The following CACNA1C variants were observed in gnomAD, a reference collection of about 807,000 sequenced individuals.
The protein encoded by CACNA1C is voltage-dependent L-type calcium channel subunit alpha-1C.
In CACNA1C, 30 loss-of-function variants were observed where a neutral mutation model predicts 229.0. The observed-to-expected ratio is 0.13, with a 90% CI of 0.10 to 0.18. The LOEUF is 0.18. CACNA1C is among the 10% of genes least tolerant of loss of function. The pLI, the probability that CACNA1C is intolerant of heterozygous loss-of-function variation, is 1.00. For synonymous variants in CACNA1C, 1,114 were observed against 1,132.5 expected, an observed-to-expected ratio of 0.98 and a Z score of 0.33; for missense variants, 1,658 against 2,845.0, an observed-to-expected ratio of 0.58 and a Z score of 9.49.
intron 2 of CACNA1C, among the ~76,000 whole-genome samples, chr12:2,119,200 G>A (rs1287603220): frequency 1.3e-5 from 2 of 152,170 alleles, no homozygotes; most frequent in Non-Finnish European, 2.9e-5. Flanking sequence ...CATCTCTAAG[G>A]TCTCTTTCTG....
chr12:2,281,898 C>T (rs2154435888), intron 3 of CACNA1C, among the ~76,000 whole-genome samples: 1 of 152,116 alleles, frequency 6.6e-6, no homozygotes, highest in Middle Eastern at 3.4e-3. Context: ...CCTGTGAGAA[C>T]TCTAATTACA....
intron 1 of CACNA1C, among the ~76,000 whole-genome samples, chr12:1,973,710 TATAAC>T (rs1364012228): frequency 6.6e-6 from 1 of 152,194 alleles, no homozygotes; most frequent in Admixed American, 6.5e-5. Context: ...ATCTAAGAGA[TATAAC>T]AGAGTAAATA....
chr12:2,669,174 C>T (rs1340956237), intron 38 of CACNA1C, 139 bp downstream of exon 38: 2 of 679,918 alleles, frequency 2.9e-6, no homozygotes, highest in Non-Finnish European at 5.3e-6. Flanking sequence ...GGGTAACGTG[C>T]GCTCCAGGAC....
At chr12:2,381,600 G>T (rs1490113632) in intron 3 of CACNA1C, among the ~76,000 whole-genome samples, 2 of 152,164 alleles carry the variant, frequency 1.3e-5, no homozygotes, top group Non-Finnish European at 2.9e-5. Flanking sequence ...TCGATGTAAG[G>T]CCCTCCACCC....
intron 1 of CACNA1C, among the ~76,000 whole-genome samples, chr12:2,011,634 GA>G (rs1280210065): frequency 6.6e-6 from 1 of 152,162 alleles, no homozygotes; most frequent in Non-Finnish European, 1.5e-5. Context: ...CAAACATGTA[GA>G]AAAGCCCAGA....
intron 3 of CACNA1C, among the ~76,000 whole-genome samples, chr12:2,305,556 T>G (rs1199193900): frequency 6.6e-6 from 1 of 152,104 alleles, no homozygotes; most frequent in Admixed American, 6.6e-5. Flanking sequence ...AAAAAACAGG[T>G]TGCTCAAGGC....
intron 24 of CACNA1C, 62 bp from the exon 25 acceptor site, chr12:2,606,549 T>G: frequency 7.3e-7 from 1 of 1,366,006 alleles, no homozygotes; most frequent in Non-Finnish European, 1.0e-6. Context: ...TGCTCACTAA[T>G]TGCTTTTGGA....
At position 2,606,839 on chromosome 12, in the gene CACNA1C, C is replaced by T; in HGVS notation, c.3210-145C>T. ...GTAGCATTTTTTGTTCCTGAAGTTT[C>T]TGCCCACTGAAGCTCCTCCCATGGC... On this transcript the variant is annotated intron_variant, in intron 25 of 46. Transcript: ENST00000399655. The T allele has an allele frequency of 4.8e-6, 5 of 1,042,884 alleles. No individual in the cohort carries two copies. In the South Asian group the frequency reaches 7.9e-5, roughly 16 times the overall value. The allele number at this position is 1,042,884 out of a possible 1,614,324, so 64.6% of individuals were successfully genotyped here.
In CACNA1C at chr12:2,512,030, G is replaced by T. The variant is rs575219545; in HGVS notation, c.1218-782G>T. On this transcript the variant is annotated intron_variant, in intron 8 of 46. Transcript: ENST00000399655. The surrounding 1 kb of genome is among the most constrained non-coding windows in gnomAD (Gnocchi z 4.3). ...GTTTGGAATCTTCATTTGTCTTCAT[G>T]TGGGAGAGAACCTTCTCTAGATTAG... Among the ~76,000 whole-genome samples the T allele has an allele frequency of 3.3e-5, 5 of 152,312 alleles. No individual in the cohort carries two copies. The South Asian group carries it at 1.0e-3, about 32-fold the overall frequency.
At chr12:2,531,143 T>G (rs568629779) in intron 9 of CACNA1C, among the ~76,000 whole-genome samples, 2 of 152,220 alleles carry the variant, frequency 1.3e-5, no homozygotes, top group Non-Finnish European at 2.9e-5. Flanking sequence ...ACTTCACATT[T>G]TCAGATGAGA....
chr12:2,413,687 C>A (rs771301771), intron 3 of CACNA1C, among the ~76,000 whole-genome samples: 1 of 152,196 alleles, frequency 6.6e-6, no homozygotes, highest in Non-Finnish European at 1.5e-5. Context: ...CCCTCCATAA[C>A]CTCATGTGAG....
chr12:2,276,815 A>G (rs2154429637), intron 3 of CACNA1C, among the ~76,000 whole-genome samples: 1 of 152,244 alleles, frequency 6.6e-6, no homozygotes, highest in East Asian at 1.9e-4. Context: ...CATTGGGATG[A>G]CGGAGGGTGG....
chr12:2,619,904 T>A (rs1435392910), intron 29 of CACNA1C, among the ~76,000 whole-genome samples: 1 of 152,142 alleles, frequency 6.6e-6, no homozygotes, highest in African/African-American at 2.4e-5. Context: ...TGGCCCACTC[T>A]TGAGACTTGT....
chr12:2,217,261 A>G (rs1488762555), intron 3 of CACNA1C, among the ~76,000 whole-genome samples: 6 of 152,218 alleles, frequency 3.9e-5, no homozygotes, highest in African/African-American at 1.4e-4. Context: ...TGCAGGGGGA[A>G]GTGCGGAGCT....
intron 3 of CACNA1C, among the ~76,000 whole-genome samples, chr12:2,225,973 T>C (rs889162024): frequency 6.6e-6 from 1 of 152,084 alleles, no homozygotes; most frequent in African/African-American, 2.4e-5. Context: ...AGTTACACAC[T>C]TTGAAAGGAA....
intron 3 of CACNA1C, among the ~76,000 whole-genome samples, chr12:2,242,565 C>G (rs908469626): frequency 6.6e-6 from 1 of 152,200 alleles, no homozygotes; most frequent in Non-Finnish European, 1.5e-5. Flanking sequence ...AAAATTTATT[C>G]TTAATCAACT....
At chr12:2,550,533 C>G (rs748668884) in intron 10 of CACNA1C, 31 of 1,350,192 alleles carry the variant, frequency 2.3e-5, no homozygotes, top group Non-Finnish European at 2.9e-5. Flanking sequence ...GAAGCTCTCT[C>G]ATCCTGCCAG....
chr12:2,401,008 C>G (rs2098669475), intron 3 of CACNA1C, among the ~76,000 whole-genome samples: 1 of 152,176 alleles, frequency 6.6e-6, no homozygotes, highest in South Asian at 2.1e-4. Flanking sequence ...TCCCCACTGC[C>G]CTCAGACCCC....
chr12:2,249,298 G>A (rs1039182838), intron 3 of CACNA1C, among the ~76,000 whole-genome samples: 2 of 152,156 alleles, frequency 1.3e-5, no homozygotes, highest in African/African-American at 2.4e-5. Context: ...GGCCACATCC[G>A]GCCTGCCATC....
Sources: allele counts gnomAD v4.1 joint callset (sites outside exome capture counted in the v4.1 genomes callset), GRCh38; gene constraint gnomAD v4.1.1; non-coding constraint Gnocchi (gnomAD v3.1); transcripts MANE v1.5; gene names NCBI Gene and HGNC (gene_info 2026-07-23, HGNC 2026-07-21).